The following SLC23A2 variants were observed in gnomAD, a reference collection of about 807,000 sequenced individuals.
SLC23A2 encodes the protein Na(+)/L-ascorbic acid transporter 2.
Under a neutral mutation model 73.3 loss-of-function variants are expected in SLC23A2, and 36 were observed. That is an observed-to-expected ratio of 0.49 (90% confidence interval 0.38 to 0.65). The LOEUF (loss-of-function observed/expected upper bound fraction) is 0.65. Among genes scored for constraint, SLC23A2 ranks in the 30% least tolerant of loss-of-function variants. The pLI is 0.00. For missense variants in SLC23A2, 507 were observed against 841.6 expected, an observed-to-expected ratio of 0.60 and a Z score of 4.92; for synonymous variants, 343 against 327.3, an observed-to-expected ratio of 1.05 and a Z score of -0.52.
intron 3 of SLC23A2, among the ~76,000 whole-genome samples, chr20:4,913,970 G>A (rs1932243969): frequency 6.6e-6 from 1 of 151,372 alleles, no homozygotes; most frequent in African/African-American, 2.4e-5. Flanking sequence ...ATACTACAAG[G>A]GAAAAGATTT....
In SLC23A2 at chr20:4,883,789, T is replaced by G; in HGVS notation, c.677A>C (p.Glu226Ala). ...QGAIIMSSLIEVVIGLLGLPG... is the reference protein window; with the variant it reads ...QGAIIMSSLIAVVIGLLGLPG... ...CAGGCCGAGGAGGCCGATGACTACT[T>G]CTATCAGTGAGGACATGATGATGGC... is the stretch of plus-strand genomic sequence containing the variant. Residue 226 changes from glutamate to alanine, a missense_variant, in exon 9 of 17, where the codon GAA (glutamate) becomes GCA (alanine). Around this residue, in one of 5 missense-constraint regions of SLC23A2, gnomAD observed 217 missense variants for 398.0 expected, o/e 0.55. Transcript: ENST00000338244. This position sits in a 1 kb window ranked among gnomAD's most constrained non-coding sequence, Gnocchi z 4.5. 6.2e-7 allele frequency: 1 copy of G among 1,613,164 alleles called. No homozygotes were observed. Among genetic ancestry groups the G allele is most frequent in the Non-Finnish European group, 8.5e-7 (1 of 1,179,580 alleles).
chr20:4,858,146 C>G (rs1365233288), intron 16 of SLC23A2, among the ~76,000 whole-genome samples: 1 of 152,132 alleles, frequency 6.6e-6, no homozygotes, highest in Admixed American at 6.5e-5. Context: ...CTGCTTTGCT[C>G]CATTTTAGCG....
At chr20:4,864,179 T>G (rs575120712) in intron 13 of SLC23A2, among the ~76,000 whole-genome samples, 1 of 152,244 alleles carries the variant, frequency 6.6e-6, no homozygotes, top group Non-Finnish European at 1.5e-5. Context: ...CAAGGATTTA[T>G]GTATGACCCC....
At position 4,856,989 on chromosome 20, in the gene SLC23A2, A is replaced by G; in HGVS notation, c.1936T>C (p.Ser646Pro). 1.2e-6 allele frequency: 2 copies of G among 1,613,502 alleles called. No homozygotes were observed. Among genetic ancestry groups the G allele is most frequent in the South Asian group, 1.1e-5 (1 of 91,060 alleles). The change falls in exon 17 of 17, where the codon TCC (serine) becomes CCC (proline). Residue 646 changes from serine to proline, a missense_variant. This residue lies in a region of SLC23A2 where 168 missense variants were observed against 302.3 expected (regional missense o/e 0.56). Transcript: ENST00000338244. This position sits in a 1 kb window ranked among gnomAD's most constrained non-coding sequence, Gnocchi z 4.6. ...SDNSRSSDEDSQATG is the reference protein window; with the variant it reads ...SDNSRSSDEDPQATG Reference sequence around the variant, plus strand: ...AGCAAAGGCTATCCCGTGGCCTGGGAGTCTTCATCTGAACTCCGGCTGTTG... The same window carrying G: ...AGCAAAGGCTATCCCGTGGCCTGGGGGTCTTCATCTGAACTCCGGCTGTTG...
At chr20:4,977,153 A>G (rs944428221) in intron 1 of SLC23A2, among the ~76,000 whole-genome samples, 1 of 152,208 alleles carries the variant, frequency 6.6e-6, no homozygotes, top group African/African-American at 2.4e-5. Flanking sequence ...GCCACTCTGC[A>G]GTATACTATC....
rs542965082 is a variant in SLC23A2, at chr20:4,907,946, A to C, written c.207+4934T>G. ...TTTGGCCAGATGGAAAGGAAAAAAA[A>C]TACAAAAAACTATGAAAGTGTGAGG... On this transcript the variant is annotated intron_variant, in intron 4 of 16. Transcript: ENST00000338244. 1.4e-4 allele frequency among the ~76,000 whole-genome samples: 21 copies of C among 152,274 alleles called. 1 individual carries two copies. The highest frequency in any genetic ancestry group is 3.4e-3 in the Middle Eastern group (1 of 294).
rs1600086620 is a variant in SLC23A2 at position 4,872,246 on chromosome 20, G to C, written c.1102+1690C>G. ...ATTCAAAAGCCCCTCTCTGGCTTGA[G>C]ACAAAGCACTGGAGAGTACTACATA... On this transcript the variant is annotated intron_variant, in intron 11 of 16. Transcript: ENST00000338244. This position sits in a 1 kb window ranked among gnomAD's most constrained non-coding sequence, Gnocchi z 4.4. Among the ~76,000 whole-genome samples the C allele has an allele frequency of 1.3e-5, 2 of 152,160 alleles. No individual in the cohort carries two copies. Among genetic ancestry groups the C allele is most frequent in the Non-Finnish European group, 1.5e-5 (1 of 68,030 alleles).
At chr20:4,996,503 T>C (rs1430346963) in intron 1 of SLC23A2, among the ~76,000 whole-genome samples, 4 of 151,868 alleles carry the variant, frequency 2.6e-5, no homozygotes, top group African/African-American at 9.7e-5. Flanking sequence ...CTGGCCAACA[T>C]GGTGAAACAC....
rs1439451171 is a variant in SLC23A2, at chr20:4,869,901, C to T, written c.1250+5G>A. On this transcript the variant is annotated splice_donor_5th_base_variant and intron_variant, in intron 12 of 16. Coordinates refer to ENST00000338244, the MANE Select transcript of SLC23A2 (RefSeq NM_005116.6). ...AATCAGGAACTTGTCTTCTCAGGAACGTACCTGTTTATTGCGTGGATGGGG... is the reference window on the plus strand; with the variant it reads ...AATCAGGAACTTGTCTTCTCAGGAATGTACCTGTTTATTGCGTGGATGGGG... 2 of 1,594,540 alleles carry T rather than the reference C, an allele frequency of 1.3e-6. No individual in the cohort carries two copies. Among genetic ancestry groups the T allele is most frequent in the Admixed American group, 1.7e-5 (1 of 58,942 alleles).
intron 3 of SLC23A2, among the ~76,000 whole-genome samples, chr20:4,927,065 GAGCCAACATTTC>G (rs1293304221): frequency 6.6e-6 from 1 of 152,018 alleles, no homozygotes; most frequent in Non-Finnish European, 1.5e-5. Flanking sequence ...GAGAAAATAA[GAGCCAACATTTC>G]AGCCTCGCAA....
chr20:4,902,465 G>A lies in SLC23A2; in HGVS notation c.301C>T (p.Leu101=), dbSNP rs1487733566. Residue 101 remains leucine (L), a synonymous_variant, in exon 5 of 17, where the codon CTG becomes TTG. Coordinates refer to ENST00000338244, the MANE Select transcript of SLC23A2 (RefSeq NM_005116.6). This position sits in a 1 kb window ranked among gnomAD's most constrained non-coding sequence, Gnocchi z 4.0. ...YTIEDVPPWY[L]CIFLGLQHYL... ...ACCTGTAGCCCCAGAAATATACACA[G>A]GTACCAGGGAGGAACATCTTCTATG... The A allele has an allele frequency of 8.1e-6, 13 of 1,603,310 alleles. No homozygotes were observed. Among genetic ancestry groups the A allele is most frequent in the Admixed American group, 1.7e-5 (1 of 59,548 alleles).
chr20:4,912,950 C>T lies in SLC23A2; in HGVS notation c.137G>A (p.Ser46Asn). The T allele has an allele frequency of 6.2e-7, 1 of 1,613,132 alleles. No homozygotes were observed. Among genetic ancestry groups the T allele is most frequent in the African/African-American group, 1.3e-5 (1 of 74,960 alleles). Residue 46 changes from serine (S) to asparagine (N), a missense_variant, in exon 4 of 17, where the codon AGC becomes AAC. Ser to Asn is a conservative substitution (Grantham distance 46, BLOSUM62 1). This residue lies in a region of SLC23A2 where 78 missense variants were observed against 86.7 expected (regional missense o/e 0.90). Coordinates refer to ENST00000338244, the MANE Select transcript of SLC23A2 (RefSeq NM_005116.6). ...PVVINGGATS[S>N]GEQDNEDTEL... is the part of the protein sequence containing the mutation. ...AGTGTCCTCATTGTCCTGCTCACCG[C>T]TGGAGGTGGCGCCTCCATTTATCAC...
chr20:4,940,657 ATG>A (rs2087026351), intron 2 of SLC23A2, among the ~76,000 whole-genome samples: 1 of 152,212 alleles, frequency 6.6e-6, no homozygotes, highest in Non-Finnish European at 1.5e-5. Flanking sequence ...CCTGTTATAT[ATG>A]TGTTATTTTT....
At chr20:4,966,999 TATAA>T (rs1273552130) in intron 2 of SLC23A2, among the ~76,000 whole-genome samples, 1 of 151,974 alleles carries the variant, frequency 6.6e-6, no homozygotes, top group African/African-American at 2.4e-5. Flanking sequence ...AGGAAGCAGA[TATAA>T]AAGAGACCAA....
At chr20:4,977,369 T>C (rs930343642) in intron 1 of SLC23A2, among the ~76,000 whole-genome samples, 1 of 152,034 alleles carries the variant, frequency 6.6e-6, no homozygotes, top group Non-Finnish European at 1.5e-5. Context: ...AATGAACACG[T>C]ATTATTATTA....
At chr20:4,900,552 T>C (rs1931705998) in intron 5 of SLC23A2, among the ~76,000 whole-genome samples, 1 of 152,238 alleles carries the variant, frequency 6.6e-6, no homozygotes, top group African/African-American at 2.4e-5. Context: ...AGTTCTTTCA[T>C]GTCTGGGGAT....
rs1156944917 is a variant in SLC23A2, at chr20:4,853,698, G to A, written c.*3274C>T. ...GAAAGTCGGTATTCTACAGCATAAA[G>A]CAAAACCTCTGTGCGAATTTGTTAC... On this transcript the variant is annotated 3_prime_UTR_variant, in exon 17 of 17. Coordinates refer to ENST00000338244, the MANE Select transcript of SLC23A2 (RefSeq NM_005116.6). 1 of 152,588 alleles carries A rather than the reference G, an allele frequency of 6.6e-6. No homozygotes were observed. The highest frequency in any genetic ancestry group is 2.4e-5 in the African/African-American group (1 of 41,448). The allele number at this position is 152,588 out of a possible 1,614,324, so 9.5% of individuals were successfully genotyped here.
At chr20:5,009,164 T>C (rs2088222357) in intron 1 of SLC23A2, among the ~76,000 whole-genome samples, 1 of 152,202 alleles carries the variant, frequency 6.6e-6, no homozygotes, top group Non-Finnish European at 1.5e-5. Context: ...TCTTTTGACT[T>C]TGTGACTGCA....
chr20:4,941,266 G>A (rs2087036698), intron 2 of SLC23A2, among the ~76,000 whole-genome samples: 7 of 152,058 alleles, frequency 4.6e-5, no homozygotes, highest in South Asian at 2.1e-4. Flanking sequence ...GCTCATGCAC[G>A]CCTATAATCT....
Sources: allele counts gnomAD v4.1 joint callset (sites outside exome capture counted in the v4.1 genomes callset), GRCh38; gene constraint gnomAD v4.1.1; regional missense constraint gnomAD v4.1.1; non-coding constraint Gnocchi (gnomAD v3.1); transcripts MANE v1.5; gene names NCBI Gene and HGNC (gene_info 2026-07-23, HGNC 2026-07-21).